Variants in TRPC5 observed in about 807,000 individuals in gnomAD.
The protein encoded by TRPC5 is transient receptor potential cation channel subfamily C member 5.
In TRPC5, 9 loss-of-function variants were observed where a neutral mutation model predicts 56.5. The observed-to-expected ratio is 0.16, with a 90% CI of 0.10 to 0.28. The LOEUF (loss-of-function observed/expected upper bound fraction) is 0.28, where lower values mean the gene tolerates loss of function less well. TRPC5 is among the 10% of genes least tolerant of loss of function. The pLI is 1.00. For missense variants in TRPC5, 469 were observed against 748.9 expected (o/e 0.63, Z 4.36); for synonymous variants, 282 against 278.5 (o/e 1.01, Z -0.13).
chrX:111,798,181 A>G (rs755494451), intron 7 of TRPC5, among the ~76,000 whole-genome samples: 3 of 112,110 alleles, frequency 2.7e-5, no homozygotes, highest in Non-Finnish European at 3.8e-5. Flanking sequence ...CATAGAGCAT[A>G]CATGGCACCA....
chrX:111,995,643 A>G (rs1002374422), intron 1 of TRPC5, among the ~76,000 whole-genome samples: 2 of 111,079 alleles, frequency 1.8e-5, no homozygotes, highest in Non-Finnish European at 3.8e-5. Context: ...CAATTTCAGA[A>G]CCTGTTATTG....
chrX:112,072,706 A>G (rs1377543756), intron 1 of TRPC5, among the ~76,000 whole-genome samples: 1 of 112,330 alleles, frequency 8.9e-6, no homozygotes. Context: ...TTTAAAGCTA[A>G]GATGAGACTG....
intron 1 of TRPC5, among the ~76,000 whole-genome samples, chrX:112,041,419 C>T (rs1000031733): frequency 8.9e-6 from 1 of 112,140 alleles, no homozygotes; most frequent in Non-Finnish European, 1.9e-5. Context: ...GTGTGCCAGA[C>T]ACCATGTTAT....
At chrX:111,856,423 C>A (rs1051695526) in intron 3 of TRPC5, among the ~76,000 whole-genome samples, 3 of 108,081 alleles carry the variant, frequency 2.8e-5, no homozygotes, top group Non-Finnish European at 5.7e-5. Flanking sequence ...ACCTTAATCC[C>A]AGCTACTTGG....
At chrX:111,822,290 C>T (rs1484772579) in intron 7 of TRPC5, among the ~76,000 whole-genome samples, 1 of 111,636 alleles carries the variant, frequency 9.0e-6, no homozygotes, top group Non-Finnish European at 1.9e-5. Flanking sequence ...TGGACATACT[C>T]ATTTACACTG....
At chrX:111,837,190 A>G (rs932274819) in intron 6 of TRPC5, among the ~76,000 whole-genome samples, 5 of 112,203 alleles carry the variant, frequency 4.5e-5, no homozygotes, top group African/African-American at 1.6e-4. Context: ...ATGGCAAGTC[A>G]GACCTATCAC....
chrX:111,940,485 T>C (rs770727896), intron 2 of TRPC5, among the ~76,000 whole-genome samples: 7 of 110,597 alleles, frequency 6.3e-5, no homozygotes, highest in Non-Finnish European at 9.5e-5. Flanking sequence ...GGTCAGGAGA[T>C]AGAGACCATC....
intron 2 of TRPC5, among the ~76,000 whole-genome samples, chrX:111,940,016 T>C (rs992316871): frequency 8.9e-6 from 1 of 112,071 alleles, no homozygotes; most frequent in Non-Finnish European, 1.9e-5. Context: ...ATGTAAGCAC[T>C]TATAGCTATA....
chrX:111,875,738 T>A (rs1282086330), intron 3 of TRPC5, among the ~76,000 whole-genome samples: 2 of 109,887 alleles, frequency 1.8e-5, no homozygotes, highest in African/African-American at 6.6e-5. Flanking sequence ...AAAAAAATAA[T>A]GACTGTCAGA....
intron 1 of TRPC5, among the ~76,000 whole-genome samples, chrX:111,964,158 C>T (rs1184615896): frequency 3.6e-5 from 4 of 111,856 alleles, no homozygotes. Flanking sequence ...AGCCAAGGCT[C>T]GAGAACTACG....
At chrX:112,035,089 TAAAAA>T (rs1169340398) in intron 1 of TRPC5, among the ~76,000 whole-genome samples, 51 of 99,146 alleles carry the variant, frequency 5.1e-4, no homozygotes, top group African/African-American at 1.6e-3. Context: ...TTTTTTTTTT[TAAAAA>T]AAAAAAAATG....
chrX:112,009,957 G>A (rs913193234), intron 1 of TRPC5, among the ~76,000 whole-genome samples: 2 of 111,388 alleles, frequency 1.8e-5, no homozygotes, highest in Non-Finnish European at 3.8e-5. Context: ...TAACAAACCT[G>A]CACGTTGTGC....
At chrX:112,080,624 C>T (rs1437745227) in intron 1 of TRPC5, among the ~76,000 whole-genome samples, 1 of 111,504 alleles carries the variant, frequency 9.0e-6, no homozygotes, top group Non-Finnish European at 1.9e-5. Context: ...AAACGAACTT[C>T]GTACTATGTA....
chrX:111,990,927 A>G (rs1364781607), intron 1 of TRPC5, among the ~76,000 whole-genome samples: 1 of 112,410 alleles, frequency 8.9e-6, no homozygotes, highest in Non-Finnish European at 1.9e-5. Flanking sequence ...TGCTAGTAGA[A>G]ACTGCTCTAA....
intron 1 of TRPC5, among the ~76,000 whole-genome samples, chrX:111,991,460 G>A (rs1457146422): frequency 8.9e-6 from 1 of 111,868 alleles, no homozygotes; most frequent in African/African-American, 3.3e-5. Context: ...GACGAATGGG[G>A]GACAGTGGCC....
At chrX:111,876,150 G>A (rs58146844) in intron 3 of TRPC5, 4 of 111,003 alleles carry the variant, frequency 3.6e-5, no homozygotes, top group Non-Finnish European at 7.6e-5. Context: ...CGGAAGAGGA[G>A]GTTACCTACC....
intron 6 of TRPC5, among the ~76,000 whole-genome samples, chrX:111,844,291 T>G (rs2148582172): frequency 9.1e-6 from 1 of 110,443 alleles, no homozygotes; most frequent in Non-Finnish European, 1.9e-5. Flanking sequence ...GATAATGTCT[T>G]TCTAATTGCT....
chrX:111,795,501 T>C (rs1431600206), intron 7 of TRPC5, among the ~76,000 whole-genome samples: 1 of 111,416 alleles, frequency 9.0e-6, no homozygotes, highest in East Asian at 2.8e-4. Flanking sequence ...GTTTTATTTG[T>C]TTGGTAGTTT....
At chrX:112,009,649 A>G (rs142252718) in intron 1 of TRPC5, among the ~76,000 whole-genome samples, 3 of 111,956 alleles carry the variant, frequency 2.7e-5, no homozygotes, top group African/African-American at 9.7e-5. Flanking sequence ...AGGGAAAACC[A>G]TTTTAGAGCA....
Sources: allele counts gnomAD v4.1 joint callset (sites outside exome capture counted in the v4.1 genomes callset), GRCh38; gene constraint gnomAD v4.1.1; transcripts MANE v1.5; gene names NCBI Gene and HGNC (gene_info 2026-07-23, HGNC 2026-07-21).